The following KLHL29 variants were observed in gnomAD, a reference collection of about 807,000 sequenced individuals.
KLHL29 encodes kelch like family member 29, also known as kelch-like protein 29.
Under a neutral mutation model 80.4 loss-of-function variants are expected in KLHL29, and 21 were observed. That is an observed-to-expected ratio of 0.26 (90% CI 0.19 to 0.38). The LOEUF is 0.38. Ranked by LOEUF, KLHL29 falls within the 10% of genes least tolerant of loss-of-function variation. The pLI is 1.00. For missense variants in KLHL29, 867 were observed against 1,223.9 expected (o/e 0.71, Z 4.35); for synonymous variants, 511 against 526.8 (o/e 0.97, Z 0.41).
Position 23,680,671 on chromosome 2 carries a change from CTCTCTAGGCCATCTTCCCCTGGGG to C in KLHL29, c.941-3663_941-3640del, listed in dbSNP as rs1671059502. Among the ~76,000 whole-genome samples, 4 of 140,066 alleles carry C rather than the reference CTCTCTAGGCCATCTTCCCCTGGGG, an allele frequency of 2.9e-5. No homozygotes were observed. Among genetic ancestry groups the C allele is most frequent in the South Asian group, 2.4e-4 (1 of 4,094 alleles). The allele number at this position is 140,066 out of a possible 152,430, so 91.9% of individuals were successfully genotyped here. On this transcript the variant is annotated intron_variant, in intron 5 of 13. Coordinates refer to ENST00000486442, the MANE Select transcript of KLHL29 (RefSeq NM_052920.2). The surrounding 1 kb of genome is among the most constrained non-coding windows in gnomAD (Gnocchi z 4.1). ...GGTCTCTAGGCCATCTTCTCCTGGG[CTCTCTAGGCCATCTTCCCCTGGGG>C]TCTCTAGGCCATCTTCCCCTGGGGT...
chr2:23,639,397 C>G, intron 4 of KLHL29, 117 bp downstream of exon 4: 1 of 1,010,458 alleles, frequency 9.9e-7, no homozygotes, highest in East Asian at 2.8e-5. Flanking sequence ...CCTGCAGAAG[C>G]CCCCTCCTCA....
rs373264347 is a variant in KLHL29, at chr2:23,557,877, G to C, written c.-45-4275G>C. 2.1e-4 allele frequency among the ~76,000 whole-genome samples: 32 copies of C among 152,306 alleles called. No homozygotes were observed. In the East Asian group the frequency reaches 5.8e-3, roughly 28 times the overall value. The stretch of plus-strand genomic sequence containing the variant: ...GTCAGGCCAGGCTAGGCTGTGCTTA[G>C]GTAACACATAGACTGCCAATTTCAG... On this transcript the variant is annotated intron_variant, in intron 2 of 13. Coordinates refer to ENST00000486442, the MANE Select transcript of KLHL29 (RefSeq NM_052920.2).
intron 1 of KLHL29, among the ~76,000 whole-genome samples, chr2:23,468,578 G>T (rs1451438742): frequency 6.6e-6 from 1 of 152,204 alleles, no homozygotes; most frequent in African/African-American, 2.4e-5. Context: ...AGCTATATCT[G>T]TGGACCAGAC....
intron 3 of KLHL29, among the ~76,000 whole-genome samples, chr2:23,576,751 G>A (rs879677476): frequency 7.9e-5 from 12 of 152,198 alleles, no homozygotes; most frequent in African/African-American, 2.9e-4. Flanking sequence ...TGGACTGTGC[G>A]TTTTTCCTCC....
intron 2 of KLHL29, among the ~76,000 whole-genome samples, chr2:23,549,339 T>C (rs1667063711): frequency 6.6e-6 from 1 of 152,228 alleles, no homozygotes; most frequent in Admixed American, 6.5e-5. Flanking sequence ...GCACACAAGC[T>C]GTTCAAACAG....
intron 3 of KLHL29, among the ~76,000 whole-genome samples, chr2:23,574,395 T>A (rs142923617): frequency 9.2e-5 from 14 of 152,300 alleles, no homozygotes; most frequent in African/African-American, 3.1e-4. Context: ...TGAGACTGTT[T>A]CCTTATCTAC....
intron 1 of KLHL29, among the ~76,000 whole-genome samples, chr2:23,442,021 T>C (rs1351638128): frequency 4.6e-5 from 7 of 152,186 alleles, no homozygotes; most frequent in Non-Finnish European, 5.9e-5. Flanking sequence ...TTTGCAGATG[T>C]GATTAATGTT....
intron 5 of KLHL29, among the ~76,000 whole-genome samples, chr2:23,670,917 G>T (rs199777266): frequency 0.019 from 361 of 18,570 alleles, 20 homozygotes; most frequent in East Asian, 0.1. Context: ...ACATGCACGC[G>T]CTCTCTCTCT....
intron 3 of KLHL29, among the ~76,000 whole-genome samples, chr2:23,628,674 G>A (rs890365289): frequency 6.6e-6 from 1 of 152,158 alleles, no homozygotes; most frequent in African/African-American, 2.4e-5. Flanking sequence ...AATAATGTTG[G>A]GTGTTCAGAC....
intron 5 of KLHL29, among the ~76,000 whole-genome samples, chr2:23,649,967 T>G (rs1481262367): frequency 1.3e-5 from 2 of 152,216 alleles, no homozygotes; most frequent in Admixed American, 6.5e-5. Context: ...CACCACCAAG[T>G]TCTTACTGAG....
intron 1 of KLHL29, among the ~76,000 whole-genome samples, chr2:23,434,194 G>T (rs548493181): frequency 3.0e-4 from 45 of 151,890 alleles, no homozygotes; most frequent in Non-Finnish European, 6.6e-4. Context: ...GTTGGCGGGC[G>T]CCTGTAGTCC....
intron 1 of KLHL29, among the ~76,000 whole-genome samples, chr2:23,466,703 G>GT (rs1341868896): frequency 6.6e-6 from 1 of 152,124 alleles, no homozygotes; most frequent in Admixed American, 6.5e-5. Context: ...CTTTGTTATG[G>GT]TTTTTTTATC....
chr2:23,636,168 C>T (rs1007055247), intron 3 of KLHL29, among the ~76,000 whole-genome samples: 1 of 152,336 alleles, frequency 6.6e-6, no homozygotes, highest in East Asian at 1.9e-4. Context: ...TCTAGTCAGG[C>T]CGCGCTGACG....
At chr2:23,464,132 G>T (rs1010508810) in intron 1 of KLHL29, among the ~76,000 whole-genome samples, 4 of 152,224 alleles carry the variant, frequency 2.6e-5, no homozygotes, top group African/African-American at 9.7e-5. Context: ...ATATTATTCA[G>T]TGATTACATG....
intron 7 of KLHL29, among the ~76,000 whole-genome samples, chr2:23,692,740 C>T (rs1258837314): frequency 6.6e-6 from 1 of 152,136 alleles, no homozygotes; most frequent in Non-Finnish European, 1.5e-5. Flanking sequence ...CACCCCAGAC[C>T]TAGCCACTAA....
chr2:23,607,688 A>G (rs1031027271), intron 3 of KLHL29, among the ~76,000 whole-genome samples: 4 of 152,168 alleles, frequency 2.6e-5, no homozygotes, highest in Non-Finnish European at 5.9e-5. Flanking sequence ...AGCAATGACA[A>G]TAGATTCTCA....
At chr2:23,637,256 G>A (rs887837300) in intron 3 of KLHL29, among the ~76,000 whole-genome samples, 1 of 152,202 alleles carries the variant, frequency 6.6e-6, no homozygotes, top group Non-Finnish European at 1.5e-5. Context: ...GGAGAGCCTG[G>A]AAATACAGCG....
Position 23,700,050 on chromosome 2 carries a change from T to C in KLHL29, c.2106-3136T>C, listed in dbSNP as rs115631457. Among the ~76,000 whole-genome samples the C allele has an allele frequency of 5.6e-3, 849 of 152,340 alleles. 8 individuals are homozygous for C. Among genetic ancestry groups the C allele is most frequent in the African/African-American group, 0.02 (819 of 41,584 alleles). ...CTTGACTTCCTCTCTCCTGTGCAAA[T>C]GGACTCCACGTTCCCTCTGCACTTT... On this transcript the variant is annotated intron_variant, in intron 11 of 13. Transcript: ENST00000486442. The surrounding 1 kb of genome is among the most constrained non-coding windows in gnomAD (Gnocchi z 4.6).
chr2:23,635,350 A>C (rs1669580198), intron 3 of KLHL29, among the ~76,000 whole-genome samples: 1 of 152,072 alleles, frequency 6.6e-6, no homozygotes, highest in Non-Finnish European at 1.5e-5. Context: ...CCTTTCCCTA[A>C]ATGAAGCTGG....
Sources: gnomAD v4.1 joint callset for allele counts (sites outside exome capture counted in the v4.1 genomes callset) on GRCh38, gnomAD v4.1.1 for gene constraint, Gnocchi (gnomAD v3.1) non-coding constraint, MANE v1.5 for transcripts, NCBI Gene and HGNC (gene_info 2026-07-23, HGNC 2026-07-21) for gene names.